The following SRD5A2 variants were observed in gnomAD, a reference collection of about 807,000 sequenced individuals.
SRD5A2 encodes steroid 5 alpha-reductase 2.
A neutral mutation model predicts 27.4 loss-of-function variants in SRD5A2; 30 were observed. That is an observed-to-expected ratio of 1.10 (90% CI 0.82 to 1.49). The LOEUF (loss-of-function observed/expected upper bound fraction) is 1.49. Ranked by LOEUF, SRD5A2 falls within the 40% of genes most tolerant of loss-of-function variation. The pLI is 0.00. For synonymous variants in SRD5A2, 141 were observed against 133.6 expected (o/e 1.06, Z -0.38); for missense variants, 348 against 323.4 (o/e 1.08, Z -0.58).
At chr2:31,640,438 T>A in the SRD5A2 span, among the ~76,000 whole-genome samples, 372 of 152,270 alleles carry the variant, frequency 2.4e-3, 1 homozygote, top group Non-Finnish European at 4.5e-3. Flanking sequence ...ATTTTAGGAT[T>A]AGTTATTAAT....
chr2:31,626,696 G>A, the SRD5A2 span, among the ~76,000 whole-genome samples: 1 of 152,158 alleles, frequency 6.6e-6, no homozygotes, highest in Non-Finnish European at 1.5e-5. Flanking sequence ...TTGCATCCCA[G>A]GGATGAAGCC....
At chr2:31,628,243 T>A in the SRD5A2 span, among the ~76,000 whole-genome samples, 15 of 152,266 alleles carry the variant, frequency 9.9e-5, no homozygotes, top group South Asian at 2.1e-4. Flanking sequence ...GTCTTTTTTT[T>A]AATCTCTGTT....
chr2:31,552,786 G>C (rs577660017), intron 1 of SRD5A2, among the ~76,000 whole-genome samples: 42 of 152,092 alleles, frequency 2.8e-4, no homozygotes, highest in Non-Finnish European at 4.4e-4. Context: ...GTCTTTAACT[G>C]TCAACACCAC....
At chr2:31,541,222 C>G (rs1024634013) in intron 1 of SRD5A2, among the ~76,000 whole-genome samples, 1 of 152,044 alleles carries the variant, frequency 6.6e-6, no homozygotes, top group Admixed American at 6.5e-5. Context: ...GGCACAGAGA[C>G]AGACTAAAGC....
intron 1 of SRD5A2, among the ~76,000 whole-genome samples, chr2:31,545,376 A>T (rs1666223034): frequency 6.6e-6 from 1 of 152,158 alleles, no homozygotes; most frequent in Non-Finnish European, 1.5e-5. Context: ...AGAATTATAG[A>T]CCATGATCAA....
intron 4 of SRD5A2, among the ~76,000 whole-genome samples, chr2:31,528,477 C>T (rs1312142117): frequency 6.6e-6 from 1 of 152,180 alleles, no homozygotes; most frequent in Non-Finnish European, 1.5e-5. Context: ...TGCCTCAGAA[C>T]ATCTGTGGAG....
chr2:31,541,832 A>G (rs943919374), intron 1 of SRD5A2, among the ~76,000 whole-genome samples: 3 of 152,172 alleles, frequency 2.0e-5, no homozygotes, highest in Non-Finnish European at 4.4e-5. Flanking sequence ...CCCTGTCACA[A>G]TGGAAAGTAA....
the SRD5A2 span, among the ~76,000 whole-genome samples, chr2:31,595,130 C>G: frequency 3.5e-4 from 53 of 152,104 alleles, no homozygotes; most frequent in Middle Eastern, 0.01. Context: ...AATAGACAAC[C>G]TAAGCTCACA....
chr2:31,570,051 C>T (rs77720701), intron 1 of SRD5A2, among the ~76,000 whole-genome samples: 1 of 152,038 alleles, frequency 6.6e-6, no homozygotes, highest in South Asian at 2.1e-4. Context: ...ATCCTCATAC[C>T]AAAACCTCAC....
At chr2:31,610,273 AC>A in the SRD5A2 span, among the ~76,000 whole-genome samples, 1 of 152,160 alleles carries the variant, frequency 6.6e-6, no homozygotes, top group Non-Finnish European at 1.5e-5. Context: ...ATTCTCAACA[AC>A]CAAAAAAAAG....
chr2:31,630,456 T>C, the SRD5A2 span, among the ~76,000 whole-genome samples: 1 of 152,212 alleles, frequency 6.6e-6, no homozygotes, highest in Non-Finnish European at 1.5e-5. Flanking sequence ...GTCTTCTCTA[T>C]GACCCTATAA....
chr2:31,657,108 C>T, the SRD5A2 span, among the ~76,000 whole-genome samples: 1 of 152,160 alleles, frequency 6.6e-6, no homozygotes, highest in Non-Finnish European at 1.5e-5. Context: ...GATCCTGAAA[C>T]ACAACACAGA....
At chr2:31,584,124 C>T (rs758001140), upstream of SRD5A2, among the ~76,000 whole-genome samples, 2 of 151,948 alleles carry the variant, frequency 1.3e-5, no homozygotes, top group South Asian at 2.1e-4. Flanking sequence ...GGTTGGGGAA[C>T]GTATGAGCCC....
chr2:31,624,604 G>A, the SRD5A2 span, among the ~76,000 whole-genome samples: 23 of 152,128 alleles, frequency 1.5e-4, no homozygotes, highest in East Asian at 1.9e-4. Context: ...GAGAACATGC[G>A]GTGTTTGGTT....
chr2:31,627,929 A>G, the SRD5A2 span, among the ~76,000 whole-genome samples: 1 of 152,094 alleles, frequency 6.6e-6, no homozygotes, highest in Non-Finnish European at 1.5e-5. Flanking sequence ...TCATCTGCAG[A>G]TGAGAAGAAT....
chr2:31,662,934 A>G, the SRD5A2 span, among the ~76,000 whole-genome samples: 5 of 152,118 alleles, frequency 3.3e-5, no homozygotes, highest in African/African-American at 1.2e-4. Context: ...TCCATACCCC[A>G]GCTATTAATG....
At chr2:31,586,342 G>C in the SRD5A2 span, among the ~76,000 whole-genome samples, 1 of 152,348 alleles carries the variant, frequency 6.6e-6, no homozygotes. Flanking sequence ...CCACCCTGAA[G>C]GGAAGGGCAC....
At chr2:31,612,137 C>T in the SRD5A2 span, among the ~76,000 whole-genome samples, 3 of 151,846 alleles carry the variant, frequency 2.0e-5, no homozygotes, top group Non-Finnish European at 2.9e-5. Context: ...ATAAAATAGC[C>T]AGGTATGGTG....
rs116102515 is a variant in SRD5A2 at position 31,571,700 on chromosome 2, G to T, written c.281+8920C>A. ...CAAAAACCAAACAATTCAATTAAAAGTGGGCAAAGGACATCAACAGATACT... is the reference window on the plus strand; with the variant it reads ...CAAAAACCAAACAATTCAATTAAAATTGGGCAAAGGACATCAACAGATACT... On this transcript the variant is annotated intron_variant, in intron 1 of 4. Coordinates refer to ENST00000622030, the MANE Select transcript of SRD5A2 (RefSeq NM_000348.4). Among the ~76,000 whole-genome samples, 188 of 152,270 alleles carry T rather than the reference G, an allele frequency of 1.2e-3. No homozygotes were observed. In the Middle Eastern group the frequency reaches 0.014, roughly 11 times the overall value.
Sources: gnomAD v4.1 joint callset for allele counts (sites outside exome capture counted in the v4.1 genomes callset) on GRCh38, gnomAD v4.1.1 for gene constraint, MANE v1.5 for transcripts, NCBI Gene and HGNC (gene_info 2026-07-23, HGNC 2026-07-21) for gene names.